KDM4C: variants seen among roughly 807,000 people sequenced by gnomAD.
The protein encoded by KDM4C is lysine demethylase 4C.
KDM4C carries 81 observed loss-of-function variants against 129.3 expected under a neutral mutation model. The observed-to-expected ratio is 0.63, with a 90% CI of 0.52 to 0.75. The LOEUF (loss-of-function observed/expected upper bound fraction) is 0.75. Ranked by LOEUF, KDM4C falls within the 30% of genes least tolerant of loss-of-function variation. The pLI, the probability that KDM4C is intolerant of heterozygous loss-of-function variation, is 0.00. For missense variants in KDM4C, 1,457 were observed against 1,304.0 expected (o/e 1.12, Z -1.81); for synonymous variants, 573 against 456.1 (o/e 1.26, Z -3.26).
At chr9:6,858,745 C>T (rs1840364065) in intron 5 of KDM4C, among the ~76,000 whole-genome samples, 1 of 151,004 alleles carries the variant, frequency 6.6e-6, no homozygotes, top group Non-Finnish European at 1.5e-5. Flanking sequence ...GCACTCCAGC[C>T]TGGGTGACAG....
intron 8 of KDM4C, among the ~76,000 whole-genome samples, chr9:6,965,636 C>T (rs117831568): frequency 1.9e-3 from 284 of 152,282 alleles, no homozygotes; most frequent in Non-Finnish European, 3.0e-3. Context: ...CAAGCAAAAC[C>T]TGTGTTTCAG....
At chr9:6,780,300 G>A (rs1488097306) in intron 1 of KDM4C, among the ~76,000 whole-genome samples, 2 of 129,350 alleles carry the variant, frequency 1.5e-5, no homozygotes, top group Admixed American at 8.3e-5. Flanking sequence ...CCTTTGGAAA[G>A]CACCATTAAA....
intron 8 of KDM4C, among the ~76,000 whole-genome samples, chr9:6,959,272 C>CT (rs1016097307): frequency 5.3e-5 from 8 of 152,178 alleles, no homozygotes; most frequent in African/African-American, 1.7e-4. Context: ...CCAGATGTTA[C>CT]TTTTTATTTG....
At chr9:6,724,367 CA>C in intron 1 of KDM4C, among the ~76,000 whole-genome samples, 1 of 152,076 alleles carries the variant, frequency 6.6e-6, no homozygotes, top group Middle Eastern at 3.4e-3. Flanking sequence ...TAGACACTAA[CA>C]AAGAAAGCAT....
chr9:6,859,292 G>A (rs1024641915), intron 5 of KDM4C, among the ~76,000 whole-genome samples: 7 of 151,144 alleles, frequency 4.6e-5, no homozygotes, highest in South Asian at 4.2e-4. Context: ...CCTGGCCAAC[G>A]TGGTGAAACC....
chr9:6,854,772 A>G (rs79890774), intron 5 of KDM4C, among the ~76,000 whole-genome samples: 4 of 152,250 alleles, frequency 2.6e-5, no homozygotes, highest in Admixed American at 2.6e-4. Context: ...CCAATTATTC[A>G]GGATAGATAC....
chr9:6,912,831 T>TA (rs1443920768), intron 8 of KDM4C, among the ~76,000 whole-genome samples: 1 of 152,196 alleles, frequency 6.6e-6, no homozygotes, highest in Non-Finnish European at 1.5e-5. Context: ...GTGTGTTTTT[T>TA]AATCCTTTTT....
intron 19 of KDM4C, among the ~76,000 whole-genome samples, chr9:7,159,359 T>C (rs1843533036): frequency 6.6e-6 from 1 of 152,248 alleles, no homozygotes. Context: ...TATGTGTGAA[T>C]TTGATCCTGT....
chr9:7,033,374 C>T (rs866566), intron 15 of KDM4C, among the ~76,000 whole-genome samples: 30,396 of 152,092 alleles, frequency 0.2, 3,526 homozygotes, highest in Middle Eastern at 0.34. Context: ...ACAGGACTCT[C>T]CTCTCTCATT....
intron 4 of KDM4C, chr9:6,835,119 C>A: frequency 1.0e-6 from 1 of 1,005,010 alleles, no homozygotes; most frequent in Non-Finnish European, 1.6e-6. Flanking sequence ...CTCTGGCCTT[C>A]GAGCAGGAGA....
At chr9:6,984,506 A>G (rs984399292) in intron 10 of KDM4C, 102 bp downstream of exon 10, 5 of 755,434 alleles carry the variant, frequency 6.6e-6, no homozygotes, top group African/African-American at 1.7e-5. Context: ...ACTAGTCCAC[A>G]TAGCTTAATC....
intron 19 of KDM4C, among the ~76,000 whole-genome samples, chr9:7,149,119 G>A (rs761225283): frequency 3.9e-5 from 6 of 152,336 alleles, no homozygotes; most frequent in South Asian, 2.1e-4. Flanking sequence ...ATGCCGAGCC[G>A]CCCTCAGGCC....
intron 19 of KDM4C, among the ~76,000 whole-genome samples, chr9:7,152,412 G>A (rs1213595378): frequency 6.6e-6 from 1 of 152,210 alleles, no homozygotes; most frequent in African/African-American, 2.4e-5. Context: ...GTAATCGTAG[G>A]TGGCAAATAG....
intron 12 of KDM4C, among the ~76,000 whole-genome samples, chr9:6,999,064 C>G (rs1447134546): frequency 6.6e-6 from 1 of 152,116 alleles, no homozygotes; most frequent in Non-Finnish European, 1.5e-5. Flanking sequence ...AATTGTCCCT[C>G]AAACAAAAGG....
chr9:6,793,014 C>G lies in KDM4C; in HGVS notation c.26C>G (p.Pro9Arg), dbSNP rs376715936. The G allele has an allele frequency of 1.2e-6, 2 of 1,614,076 alleles. No individual in the cohort carries two copies. Among genetic ancestry groups the G allele is most frequent in the African/African-American group, 2.7e-5 (2 of 74,912 alleles). Residue 9 changes from proline (P) to arginine (R), a missense_variant, in exon 2 of 22, where the codon CCT becomes CGT. Physicochemically the swap from Pro to Arg is moderately radical, Grantham distance 103 (BLOSUM62 -2). Coordinates refer to ENST00000381309, the MANE Select transcript of KDM4C (RefSeq NM_015061.6). ...ATGGAGGTGGCCGAGGTGGAAAGTC[C>G]TCTGAACCCCAGCTGTAAGATAATG... MEVAEVES[P>R]LNPSCKIMTF...
Position 6,884,183 on chromosome 9 carries a change from G to C in KDM4C, c.680-3777G>C, listed in dbSNP as rs565440367. On this transcript the variant is annotated intron_variant, in intron 6 of 21. Coordinates refer to ENST00000381309, the MANE Select transcript of KDM4C (RefSeq NM_015061.6). ...ATGGATTATGGGACGTTAGGGTCAAGTGAGGCCTGCGAAAGGATAATTTTC... is the reference window on the plus strand; with the variant it reads ...ATGGATTATGGGACGTTAGGGTCAACTGAGGCCTGCGAAAGGATAATTTTC... Among the ~76,000 whole-genome samples the C allele has an allele frequency of 6.6e-5, 10 of 152,296 alleles. No homozygotes were observed. The East Asian group carries it at 1.9e-3, about 29-fold the overall frequency.
At chr9:7,169,685 C>G in intron 20 of KDM4C, 113 bp from the exon 21 acceptor site, 1 of 807,100 alleles carries the variant, frequency 1.2e-6, no homozygotes, top group Non-Finnish European at 1.9e-6. Flanking sequence ...TGGCTGGTTC[C>G]CTTGTTTGTT....
At chr9:7,142,451 C>T (rs993618309) in intron 19 of KDM4C, among the ~76,000 whole-genome samples, 2 of 152,178 alleles carry the variant, frequency 1.3e-5, no homozygotes, top group African/African-American at 4.8e-5. Flanking sequence ...GCCTCCCCTC[C>T]CCTGGGCTCC....
intron 18 of KDM4C, among the ~76,000 whole-genome samples, chr9:7,106,185 C>T (rs866185738): frequency 3.3e-5 from 5 of 152,204 alleles, no homozygotes; most frequent in Non-Finnish European, 7.3e-5. Context: ...TTTATAGAAT[C>T]TGGCAACTTT....
Sources: allele counts gnomAD v4.1 joint callset (sites outside exome capture counted in the v4.1 genomes callset), GRCh38; gene constraint gnomAD v4.1.1; transcripts MANE v1.5; gene names NCBI Gene and HGNC (gene_info 2026-07-23, HGNC 2026-07-21).